The following TCF4 variants were observed in gnomAD, a reference collection of about 807,000 sequenced individuals.
TCF4 encodes transcription factor 4, also known as SL3-3 enhancer factor 2.
In TCF4, 3 loss-of-function variants were observed where a neutral mutation model predicts 82.1. The observed-to-expected ratio is 0.04, with a 90% CI of 0.02 to 0.09. TCF4 has a LOEUF of 0.09. TCF4 is among the 10% of genes least tolerant of loss of function. The pLI is 1.00. For synonymous variants in TCF4, 276 were observed against 309.6 expected (o/e 0.89, Z 1.14); for missense variants, 518 against 852.7 (o/e 0.61, Z 4.89).
intron 3 of TCF4, among the ~76,000 whole-genome samples, chr18:55,557,192 G>A (rs542858709): frequency 7.9e-4 from 120 of 152,124 alleles, no homozygotes; most frequent in Non-Finnish European, 1.4e-3. Context: ...TATCCAAATC[G>A]ATGCTTAAAA....
chr18:55,387,902 C>T (rs767966763), intron 6 of TCF4, among the ~76,000 whole-genome samples: 4 of 152,142 alleles, frequency 2.6e-5, no homozygotes, highest in Admixed American at 1.3e-4. Context: ...GGAAAACTTC[C>T]GTGTTACAGG....
At chr18:55,467,174 C>A (rs1398839731) in intron 3 of TCF4, among the ~76,000 whole-genome samples, 2 of 152,128 alleles carry the variant, frequency 1.3e-5, no homozygotes, top group South Asian at 4.2e-4. Context: ...TTATCCATAT[C>A]CATAGAAGAC....
chr18:55,329,926 T>C (rs1014353908), intron 8 of TCF4, among the ~76,000 whole-genome samples: 2 of 152,210 alleles, frequency 1.3e-5, no homozygotes, highest in African/African-American at 4.8e-5. Context: ...GACAAACAGG[T>C]CAACTCTCAC....
intron 2 of TCF4, among the ~76,000 whole-genome samples, chr18:55,612,443 T>C (rs2097707986): frequency 6.6e-6 from 1 of 152,200 alleles, no homozygotes; most frequent in South Asian, 2.1e-4. Context: ...AAGTAATATG[T>C]TGAGCCTCAG....
At chr18:55,569,943 C>A (rs1159442214) in intron 3 of TCF4, among the ~76,000 whole-genome samples, 1 of 152,008 alleles carries the variant, frequency 6.6e-6, no homozygotes, top group African/African-American at 2.4e-5. Flanking sequence ...CACAATAGCC[C>A]AAAGTCAAAT....
intron 2 of TCF4, among the ~76,000 whole-genome samples, chr18:55,625,308 G>A (rs567325610): frequency 1.5e-4 from 22 of 149,634 alleles, no homozygotes; most frequent in Non-Finnish European, 2.8e-4. Flanking sequence ...GCCTGATCTC[G>A]GCTCACTGCA....
intron 2 of TCF4, among the ~76,000 whole-genome samples, chr18:55,605,528 T>G (rs934606958): frequency 2.6e-5 from 4 of 152,100 alleles, no homozygotes; most frequent in Non-Finnish European, 4.4e-5. Flanking sequence ...GATATATGTT[T>G]TGGGGGAAGG....
chr18:55,468,103 T>A (rs1157971422), intron 3 of TCF4, among the ~76,000 whole-genome samples: 1 of 152,206 alleles, frequency 6.6e-6, no homozygotes, highest in Non-Finnish European at 1.5e-5. Context: ...ATATATTTAT[T>A]TGGGAGTTTA....
At chr18:55,291,918 C>T (rs1357188071) in intron 8 of TCF4, among the ~76,000 whole-genome samples, 1 of 152,020 alleles carries the variant, frequency 6.6e-6, no homozygotes, top group Non-Finnish European at 1.5e-5. Flanking sequence ...AAGTGAGTAG[C>T]CTTTTGTATA....
At chr18:55,345,110 A>G (rs146067297) in intron 8 of TCF4, among the ~76,000 whole-genome samples, 9 of 152,212 alleles carry the variant, frequency 5.9e-5, no homozygotes, top group African/African-American at 2.2e-4. Flanking sequence ...TAGAATGCCT[A>G]ATAGTATGTA....
At chr18:55,250,172 T>C (rs1445888623) in intron 15 of TCF4, among the ~76,000 whole-genome samples, 1 of 152,176 alleles carries the variant, frequency 6.6e-6, no homozygotes, top group African/African-American at 2.4e-5. Context: ...AATAACTTGA[T>C]AACTTAAAAT....
chr18:55,529,774 G>C (rs191905206), intron 3 of TCF4, among the ~76,000 whole-genome samples: 13 of 152,132 alleles, frequency 8.5e-5, no homozygotes, highest in Admixed American at 2.6e-4. Flanking sequence ...TCTTGACCAG[G>C]GAGAAAGGAG....
intron 3 of TCF4, among the ~76,000 whole-genome samples, chr18:55,563,445 A>C (rs1176938245): frequency 6.6e-6 from 1 of 152,222 alleles, no homozygotes; most frequent in Admixed American, 6.5e-5. Flanking sequence ...GATCCAAAAT[A>C]AAATGTCAAA....
At chr18:55,625,424 A>G (rs912077524) in intron 2 of TCF4, among the ~76,000 whole-genome samples, 1 of 152,078 alleles carries the variant, frequency 6.6e-6, no homozygotes, top group Non-Finnish European at 1.5e-5. Context: ...TGTTTAGTAG[A>G]GACGGGGTTT....
At chr18:55,428,628 T>G (rs1224159587) in intron 5 of TCF4, among the ~76,000 whole-genome samples, 1 of 152,254 alleles carries the variant, frequency 6.6e-6, no homozygotes, top group Non-Finnish European at 1.5e-5. Flanking sequence ...ATTTCTTAGC[T>G]TCTCTGCTAG....
At chr18:55,410,482 CATGCAA>C (rs1448442430) in intron 5 of TCF4, among the ~76,000 whole-genome samples, 16 of 152,020 alleles carry the variant, frequency 1.1e-4, no homozygotes, top group African/African-American at 3.9e-4. Flanking sequence ...CACTATCTCG[CATGCAA>C]ATTTAACTTA....
intron 3 of TCF4, among the ~76,000 whole-genome samples, chr18:55,539,335 G>A (rs2097145324): frequency 6.6e-6 from 1 of 152,096 alleles, no homozygotes; most frequent in Non-Finnish European, 1.5e-5. Flanking sequence ...GGGCTTTGGT[G>A]GGCAAAGAAA....
chr18:55,589,680 C>CTCA (rs957338606), upstream of TCF4: 1 of 1,036,278 alleles, frequency 9.6e-7, no homozygotes, highest in Non-Finnish European at 1.2e-6. Context: ...TTAGAGGTGT[C>CTCA]TCATCATCAT....
chr18:55,358,700 T>C (rs760677482), intron 6 of TCF4, among the ~76,000 whole-genome samples: 38 of 152,214 alleles, frequency 2.5e-4, no homozygotes, highest in Admixed American at 3.3e-4. Context: ...CCCACAACCA[T>C]TAGAAGGCTC....
Sources: gnomAD v4.1 joint callset for allele counts (sites outside exome capture counted in the v4.1 genomes callset) on GRCh38, gnomAD v4.1.1 for gene constraint, MANE v1.5 for transcripts, NCBI Gene and HGNC (gene_info 2026-07-23, HGNC 2026-07-21) for gene names.